ARPP21: variants seen among roughly 807,000 people sequenced by gnomAD.
ARPP21 encodes the protein cAMP regulated phosphoprotein 21, also known as cAMP-regulated phosphoprotein 21.
In ARPP21, 69 loss-of-function variants were observed where a neutral mutation model predicts 113.2. The ratio of observed to expected loss-of-function variants is 0.61; its 90% CI spans 0.50 to 0.74. The LOEUF (loss-of-function observed/expected upper bound fraction) is 0.74. Among genes scored for constraint, ARPP21 ranks in the 30% least tolerant of loss-of-function variants. ARPP21 has a pLI of 0.00. For missense variants in ARPP21, 1,070 were observed against 1,037.4 expected (o/e 1.03, Z -0.43); for synonymous variants, 368 against 375.5 (o/e 0.98, Z 0.23).
At position 35,670,878 on chromosome 3, in the gene ARPP21, C is replaced by G. The variant is rs150056316; in HGVS notation, c.-212-8909C>G. Among the ~76,000 whole-genome samples, 54 of 152,290 alleles carry G rather than the reference C, an allele frequency of 3.5e-4. No individual in the cohort carries two copies. In the East Asian group the frequency reaches 8.9e-3, roughly 25 times the overall value. On this transcript the variant is annotated intron_variant, in intron 1 of 20. Coordinates refer to ENST00000684406, the MANE Select transcript of ARPP21 (RefSeq NM_001385562.1). ...CACTAAACAACAGTTGGAAGATACACTGGCCTGCGGGCCCTCTCTGTCCAA... is the reference window on the plus strand; with the variant it reads ...CACTAAACAACAGTTGGAAGATACAGTGGCCTGCGGGCCCTCTCTGTCCAA...
At chr3:35,763,393 T>G (rs1476041256) in intron 19 of ARPP21, among the ~76,000 whole-genome samples, 1 of 152,166 alleles carries the variant, frequency 6.6e-6, no homozygotes, top group Non-Finnish European at 1.5e-5. Flanking sequence ...CACCTGGAAC[T>G]GCAGTTTGTG....
intron 19 of ARPP21, among the ~76,000 whole-genome samples, chr3:35,778,571 T>C (rs1354203478): frequency 6.6e-6 from 1 of 152,154 alleles, no homozygotes; most frequent in Non-Finnish European, 1.5e-5. Flanking sequence ...GTTATTATGC[T>C]CTGGTGTCTT....
At chr3:35,687,372 C>CT (rs1001551743) in intron 5 of ARPP21, among the ~76,000 whole-genome samples, 46 of 142,522 alleles carry the variant, frequency 3.2e-4, no homozygotes, top group Middle Eastern at 3.8e-3. Context: ...CTACGGAGGA[C>CT]TTTTTTTTTT....
chr3:35,715,766 G>A (rs957429248), intron 12 of ARPP21: 6 of 217,800 alleles, frequency 2.8e-5, no homozygotes, highest in Non-Finnish European at 4.6e-5. Context: ...CCTTCACCAG[G>A]CATTAAGAAT....
intron 9 of ARPP21, among the ~76,000 whole-genome samples, chr3:35,691,927 TTAAAA>T: frequency 6.6e-6 from 1 of 151,720 alleles, no homozygotes; most frequent in East Asian, 2.0e-4. Flanking sequence ...AGTATCATGG[TTAAAA>T]TACTCTATAT....
intron 19 of ARPP21, among the ~76,000 whole-genome samples, chr3:35,771,311 A>G (rs780822003): frequency 3.3e-5 from 5 of 151,892 alleles, no homozygotes; most frequent in Admixed American, 6.6e-5. Context: ...GAAGTATCAC[A>G]TAACATCAGA....
In ARPP21 at chr3:35,743,734, A is replaced by C. The variant is rs6550366; in HGVS notation, c.2011-105A>C. 3,942 of 1,276,478 alleles carry C rather than the reference A, an allele frequency of 3.1e-3. 83 individuals carry two copies. The African/African-American group carries it at 0.05, about 16-fold the overall frequency. 79.1% of individuals were successfully genotyped at this position (1,276,478 alleles called of 1,614,324 possible). ...GGCATGGGAGAAGTTTGCGGTGGCC[A>C]TCTTCACAACCTACCACAATTATAA... On this transcript the variant is annotated intron_variant, in intron 18 of 20. Coordinates refer to ENST00000684406, the MANE Select transcript of ARPP21 (RefSeq NM_001385562.1).
chr3:35,706,951 G>A (rs2089348193), intron 9 of ARPP21, 23 bp from the exon 10 acceptor site: 2 of 1,573,438 alleles, frequency 1.3e-6, no homozygotes, highest in Admixed American at 1.8e-5. Flanking sequence ...CTTTTTTATT[G>A]ATATGTTTTA....
chr3:35,695,810 G>C (rs1348685675), intron 9 of ARPP21, among the ~76,000 whole-genome samples: 2 of 151,534 alleles, frequency 1.3e-5, no homozygotes, highest in African/African-American at 2.4e-5. Context: ...ATTTTGTTGA[G>C]ATGGTTGTGT....
intron 19 of ARPP21, among the ~76,000 whole-genome samples, chr3:35,769,972 CGAA>C: frequency 6.6e-6 from 1 of 152,182 alleles, no homozygotes; most frequent in Middle Eastern, 3.4e-3. Flanking sequence ...TATGTAGCGA[CGAA>C]GAAGTTTCAC....
chr3:35,685,414 A>G (rs2080257582), intron 5 of ARPP21: 2 of 985,046 alleles, frequency 2.0e-6, no homozygotes, highest in Non-Finnish European at 2.4e-6. Context: ...AAACATCCAG[A>G]CACACATATA....
At chr3:35,657,511 T>C (rs529868197) in intron 1 of ARPP21, among the ~76,000 whole-genome samples, 2 of 152,278 alleles carry the variant, frequency 1.3e-5, no homozygotes, top group South Asian at 4.1e-4. Flanking sequence ...CAACTCTGTG[T>C]GAAGTACTTT....
chr3:35,661,653 A>G (rs1707855338), intron 1 of ARPP21, among the ~76,000 whole-genome samples: 1 of 152,202 alleles, frequency 6.6e-6, no homozygotes, highest in Non-Finnish European at 1.5e-5. Context: ...TTCAATTCTC[A>G]TTGACCTTTT....
intron 9 of ARPP21, among the ~76,000 whole-genome samples, chr3:35,705,775 A>G (rs1057143621): frequency 6.6e-6 from 1 of 152,180 alleles, no homozygotes; most frequent in Non-Finnish European, 1.5e-5. Context: ...TGTTCCAAAA[A>G]TTATACTCAG....
At position 35,729,352 on chromosome 3, in the gene ARPP21, C is replaced by T. The variant is rs200415538; in HGVS notation, c.1275C>T (p.Thr425=). The change falls in exon 15 of 21, where the codon ACC becomes ACT. Residue 425 remains threonine (T), a synonymous_variant. Coordinates refer to ENST00000684406, the MANE Select transcript of ARPP21 (RefSeq NM_001385562.1). ...GCTCCTCAGGATCGCTGTCCCGCACCCATCCACCTCTCCAGAGCACACCCC... is the reference window on the plus strand; with the variant it reads ...GCTCCTCAGGATCGCTGTCCCGCACTCATCCACCTCTCCAGAGCACACCCC... The part of the protein sequence containing the change: ...SAGSSGSLSR[T]HPPLQSTPLV... 3.8e-5 allele frequency: 61 copies of T among 1,614,018 alleles called. No homozygotes were observed. The highest frequency in any genetic ancestry group is 5.1e-5 in the Non-Finnish European group (60 of 1,180,038).
At chr3:35,652,650 T>C (rs946060130) in intron 1 of ARPP21, among the ~76,000 whole-genome samples, 1 of 152,002 alleles carries the variant, frequency 6.6e-6, no homozygotes, top group Non-Finnish European at 1.5e-5. Flanking sequence ...GCTTATATAT[T>C]TTACTGGGTA....
intron 11 of ARPP21, among the ~76,000 whole-genome samples, chr3:35,714,580 T>C (rs920689839): frequency 1.3e-5 from 2 of 152,216 alleles, no homozygotes; most frequent in African/African-American, 2.4e-5. Flanking sequence ...TTGGAAATGG[T>C]TTTGTGTTAC....
intron 5 of ARPP21, chr3:35,684,040 T>C: frequency 6.3e-7 from 1 of 1,598,784 alleles, no homozygotes; most frequent in Non-Finnish European, 8.5e-7. Flanking sequence ...AAACTGCAAA[T>C]GGAAAGGAAT....
At chr3:35,740,719 G>A (rs372810591) in intron 18 of ARPP21, among the ~76,000 whole-genome samples, 144 of 152,252 alleles carry the variant, frequency 9.5e-4, no homozygotes, top group Middle Eastern at 3.4e-3. Flanking sequence ...CCTAAAAAGC[G>A]TTTAAGTGTC....
Sources: allele counts gnomAD v4.1 joint callset (sites outside exome capture counted in the v4.1 genomes callset), GRCh38; gene constraint gnomAD v4.1.1; transcripts MANE v1.5; gene names NCBI Gene and HGNC (gene_info 2026-07-23, HGNC 2026-07-21).